Variants in TBKBP1 observed in about 807,000 individuals in gnomAD.
The protein encoded by TBKBP1 is TANK-binding kinase 1-binding protein 1.
Under a neutral mutation model 69.9 loss-of-function variants are expected in TBKBP1, and 47 were observed. That is an observed-to-expected ratio of 0.67 (90% CI 0.53 to 0.86). The LOEUF is 0.86. Ranked by LOEUF, TBKBP1 falls within the 40% of genes least tolerant of loss-of-function variation. The probability of loss-of-function intolerance (pLI) is 0.00; values close to 1 mark genes in which losing one functional copy is unlikely to be tolerated. For synonymous variants in TBKBP1, 418 were observed against 390.3 expected, an observed-to-expected ratio of 1.07 and a Z score of -0.84; for missense variants, 831 against 858.6, an observed-to-expected ratio of 0.97 and a Z score of 0.40.
chr17:47,697,721 C>T (rs2031305836), intron 4 of TBKBP1, among the ~76,000 whole-genome samples: 1 of 151,994 alleles, frequency 6.6e-6, no homozygotes, highest in African/African-American at 2.4e-5. Context: ...AATCTCAGCA[C>T]TTTGGGAGGT....
In TBKBP1 at chr17:47,708,763, GC is replaced by G. The variant is rs2031790236; in HGVS notation, c.1036del (p.Gln346SerfsTer107). On this transcript the variant is annotated frameshift_variant, in exon 9 of 10. Coordinates refer to ENST00000578982, the MANE Select transcript of TBKBP1 (RefSeq NM_001394755.1). LOFTEE classifies it high-confidence loss of function. The surrounding 1 kb of genome is among the most constrained non-coding windows in gnomAD (Gnocchi z 4.4). Reference protein sequence around the residue: ...HSPLSQRHSPAPQCPSPSPPA... With the variant: ...HSPLSQRHSPXPQCPSPSPPA... ...GCCGCTGTCACAACGCCACTCCCCG[GC>G]CCCCCAGTGCCCCTCCCCCTCCCCG... The G allele has an allele frequency of 2.0e-5, 22 of 1,092,686 alleles. No homozygotes were observed. The highest frequency in any genetic ancestry group is 4.9e-5 in the Admixed American group (2 of 40,968). The allele number at this position is 1,092,686 out of a possible 1,614,324, so 67.7% of individuals were successfully genotyped here.
intron 7 of TBKBP1, among the ~76,000 whole-genome samples, chr17:47,703,927 G>A (rs2031610581): frequency 6.6e-6 from 1 of 152,210 alleles, no homozygotes; most frequent in African/African-American, 2.4e-5. Flanking sequence ...TGGGTCCTGA[G>A]CAGATCGGGT....
intron 3 of TBKBP1, 60 bp from the exon 4 acceptor site, chr17:47,697,029 T>A: frequency 6.4e-7 from 1 of 1,553,228 alleles, no homozygotes; most frequent in Non-Finnish European, 8.7e-7. Flanking sequence ...CAGGGAGCTC[T>A]CCAACTCCAA....
chr17:47,698,753 A>C lies in TBKBP1; in HGVS notation c.612A>C (p.Arg204Ser). 7.0e-6 allele frequency: 11 copies of C among 1,582,586 alleles called. No individual in the cohort carries two copies. Among genetic ancestry groups the C allele is most frequent in the Non-Finnish European group, 9.5e-6 (11 of 1,161,328 alleles). The change falls in exon 5 of 10, where the codon AGA (arginine) becomes AGC (serine). Residue 204 changes from arginine to serine, a missense_variant. Physicochemically the swap from Arg to Ser is moderately radical, Grantham distance 110. Transcript: ENST00000578982. ...TDLDLHYLAL[R>S]GGSGLSHAGW... ...TAGACCTGCACTACCTGGCACTGAGAGGGGGATCTGGCTTGAGTCATGGTG... is the reference window on the plus strand; with the variant it reads ...TAGACCTGCACTACCTGGCACTGAGCGGGGGATCTGGCTTGAGTCATGGTG...
chr17:47,710,413 C>T, intron 9 of TBKBP1, 85 bp from the exon 10 acceptor site: 1 of 1,542,808 alleles, frequency 6.5e-7, no homozygotes, highest in South Asian at 1.2e-5. Flanking sequence ...CCTCCCTGCC[C>T]TGGGTCCTGG....
Position 47,697,102 on chromosome 17 carries a change from A to C in TBKBP1, c.362A>C (p.Lys121Thr). The change falls in exon 4 of 10, where the codon AAG (lysine) becomes ACG (threonine). Residue 121 changes from lysine (K) to threonine (T), a missense_variant. Coordinates refer to ENST00000578982, the MANE Select transcript of TBKBP1 (RefSeq NM_001394755.1). The part of the protein sequence containing the change: ...NQFQHELQKN[K>T]EQEEQLGEMI... ...GGCCTCATCCAGTTACAGAAGAACA[A>C]GGAGCAGGAAGAACAGCTTGGAGAG... The C allele has an allele frequency of 6.2e-7, 1 of 1,611,884 alleles. No homozygotes were observed. Among genetic ancestry groups the C allele is most frequent in the Non-Finnish European group, 8.5e-7 (1 of 1,179,004 alleles).
Position 47,708,826 on chromosome 17 carries a change from T to C in TBKBP1, c.1093T>C (p.Ser365Pro), listed in dbSNP as rs1406321143. ...RAAPPCPPCQ[S>P]PVPQRRSPVP... ...GGCTCCCCCGTGCCCCCCGTGCCAG[T>C]CCCCCGTCCCCCAGCGCCGCTCTCC... Residue 365 changes from serine to proline, a missense_variant, in exon 9 of 10, where the codon TCC becomes CCC. Physicochemically the swap from Ser to Pro is moderately conservative, Grantham distance 74. Transcript: ENST00000578982. This position sits in a 1 kb window ranked among gnomAD's most constrained non-coding sequence, Gnocchi z 4.4. 3.7e-6 allele frequency: 4 copies of C among 1,074,338 alleles called. No homozygotes were observed. The highest frequency in any genetic ancestry group is 4.9e-6 in the Non-Finnish European group (4 of 809,650). The allele number at this position is 1,074,338 out of a possible 1,614,324, so 66.6% of individuals were successfully genotyped here.
Position 47,710,698 on chromosome 17 carries a change from C to A in TBKBP1, c.*72C>A. The A allele has an allele frequency of 6.5e-7, 1 of 1,543,840 alleles. No homozygotes were observed. Among genetic ancestry groups the A allele is most frequent in the African/African-American group, 1.4e-5 (1 of 73,758 alleles). ...CCCCAAACACTCACTTTGAATGCTG[C>A]ATGAATCTCGTGGGGGGTCCCTGCC... On this transcript the variant is annotated 3_prime_UTR_variant, in exon 10 of 10. Transcript: ENST00000578982.
At position 47,708,957 on chromosome 17, in the gene TBKBP1, C is replaced by T; in HGVS notation, c.1224C>T (p.Ser408=). ...RRSPVPPSCQ[S]PSPQRRSPVP... is the part of the protein sequence containing the mutation. ...CGCCGGTGCCGCCGTCGTGCCAGTC[C>T]CCCAGCCCGCAGCGCCGTTCCCCGG... The change falls in exon 9 of 10, where the codon TCC becomes TCT. Residue 408 remains serine, a synonymous_variant. Transcript: ENST00000578982. This position sits in a 1 kb window ranked among gnomAD's most constrained non-coding sequence, Gnocchi z 4.4. The T allele has an allele frequency of 8.3e-7, 1 of 1,199,686 alleles. No homozygotes were observed. The highest frequency in any genetic ancestry group is 1.0e-6 in the Non-Finnish European group (1 of 961,994). The allele number at this position is 1,199,686 out of a possible 1,614,324, so 74.3% of individuals were successfully genotyped here. A position where few individuals can be genotyped will look rare whatever the true frequency, so the allele number is the denominator to read the frequency against.
intron 7 of TBKBP1, among the ~76,000 whole-genome samples, chr17:47,703,015 G>A (rs1369454401): frequency 3.4e-4 from 51 of 151,726 alleles, no homozygotes; most frequent in Non-Finnish European, 1.2e-4. Context: ...AGGGGATGAG[G>A]GCTCCGAAGG....
intron 7 of TBKBP1, among the ~76,000 whole-genome samples, chr17:47,701,354 G>GAC (rs145407261): frequency 0.67 from 95,720 of 143,730 alleles, 32,143 homozygotes; most frequent in Non-Finnish European, 0.72. Flanking sequence ...GACACACACA[G>GAC]ACACACACAC....
At position 47,699,484 on chromosome 17, in the gene TBKBP1, AC is replaced by A; in HGVS notation, c.802del (p.Arg268GlyfsTer17). On this transcript the variant is annotated frameshift_variant, in exon 6 of 10. Transcript: ENST00000578982. LOFTEE classifies it high-confidence loss of function. ...LQGELKQLQE[T>X]RAQDLASNQS... Reference sequence around the variant, plus strand: ...GGGGGAGCTGAAGCAGCTGCAGGAGACCCGGGCCCAGGTAAATGCAGGGGCC... The same window carrying A: ...GGGGGAGCTGAAGCAGCTGCAGGAGACCGGGCCCAGGTAAATGCAGGGGCC... The A allele has an allele frequency of 6.3e-7, 1 of 1,578,186 alleles. No homozygotes were observed. The highest frequency in any genetic ancestry group is 8.6e-7 in the Non-Finnish European group (1 of 1,161,456).
intron 7 of TBKBP1, among the ~76,000 whole-genome samples, chr17:47,701,932 A>C (rs2031522235): frequency 2.0e-5 from 3 of 152,094 alleles, no homozygotes; most frequent in African/African-American, 7.2e-5. Flanking sequence ...CCCTGTGATT[A>C]GGCTCTGCCT....
intron 1 of TBKBP1, among the ~76,000 whole-genome samples, chr17:47,694,396 C>G (rs1275872440): frequency 1.3e-5 from 2 of 151,822 alleles, no homozygotes; most frequent in African/African-American, 4.8e-5. Flanking sequence ...GCGCCACTCC[C>G]GGAGCCCCTT....
Position 47,710,681 on chromosome 17 carries a change from A to T in TBKBP1, c.*55A>T. The T allele has an allele frequency of 6.4e-7, 1 of 1,553,190 alleles. No homozygotes were observed. On this transcript the variant is annotated 3_prime_UTR_variant, in exon 10 of 10. Transcript: ENST00000578982. The stretch of plus-strand genomic sequence containing the variant: ...CCGTCCTCTCCTATCACCCCCAAAC[A>T]CTCACTTTGAATGCTGCATGAATCT...
chr17:47,696,546 G>A (rs1486183636), intron 2 of TBKBP1, among the ~76,000 whole-genome samples, 165 bp from the exon 3 acceptor site: 3 of 152,122 alleles, frequency 2.0e-5, no homozygotes, highest in South Asian at 2.1e-4. Context: ...AAACAGATCC[G>A]GTGGGTGGGA....
chr17:47,696,579 T>G, intron 2 of TBKBP1, 132 bp from the exon 3 acceptor site: 3 of 1,412,934 alleles, frequency 2.1e-6, no homozygotes, highest in Non-Finnish European at 1.9e-6. Flanking sequence ...CCCATGGGAA[T>G]TGGGATCCCA....
chr17:47,694,407 C>T (rs868168488), intron 1 of TBKBP1, among the ~76,000 whole-genome samples: 4 of 151,984 alleles, frequency 2.6e-5, no homozygotes, highest in South Asian at 4.1e-4. Flanking sequence ...GGAGCCCCTT[C>T]CCCGGCCCCG....
chr17:47,703,692 A>G (rs1269719912), intron 7 of TBKBP1, among the ~76,000 whole-genome samples: 1 of 151,550 alleles, frequency 6.6e-6, no homozygotes, highest in Non-Finnish European at 1.5e-5. Context: ...AAAAGGCTCA[A>G]AACAAGTTTC....
Sources: gnomAD v4.1 joint callset for allele counts (sites outside exome capture counted in the v4.1 genomes callset) on GRCh38, gnomAD v4.1.1 for gene constraint, Gnocchi (gnomAD v3.1) non-coding constraint, MANE v1.5 for transcripts, NCBI Gene and HGNC (gene_info 2026-07-23, HGNC 2026-07-21) for gene names.